The following RIPOR2 variants were observed in gnomAD, a reference collection of about 807,000 sequenced individuals.
RIPOR2 encodes the protein RHO family interacting cell polarization regulator 2, also known as rho family-interacting cell polarization regulator 2.
A neutral mutation model predicts 114.5 loss-of-function variants in RIPOR2; 39 were observed. That is an observed-to-expected ratio of 0.34 (90% CI 0.26 to 0.44). The LOEUF is 0.44. Among genes scored for constraint, RIPOR2 ranks in the 20% least tolerant of loss-of-function variants. RIPOR2 has a pLI of 1.00. For missense variants in RIPOR2, 1,007 were observed against 1,255.1 expected (o/e 0.80, Z 2.99); for synonymous variants, 445 against 484.4 (o/e 0.92, Z 1.07).
rs147095231 is a variant in RIPOR2, at chr6:24,986,402, T to C, written c.76+55449A>G. On this transcript the variant is annotated intron_variant, in intron 1 of 13. Transcript: ENST00000510784. ...AACTTTGAATTAGGATTAGACATTG[T>C]TGTTTTAGCACTGAAAACTTTTTAA... Among the ~76,000 whole-genome samples the C allele has an allele frequency of 2.0e-4, 30 of 152,344 alleles. 1 individual carries two copies. In the Middle Eastern group the frequency reaches 0.024, roughly 121 times the overall value.
At position 24,922,526 on chromosome 6, in the gene RIPOR2, G is replaced by GT. The variant is rs112662585; in HGVS notation, c.61+13311dup. ...CTCAGGAATTGCCTGGTACTTTCCT[G>GT]TTTTTTTTTGTACCCATTCTGAACT... On this transcript the variant is annotated intron_variant, in intron 1 of 21. Transcript: ENST00000643898. Among the ~76,000 whole-genome samples, 1,313 of 151,036 alleles carry GT rather than the reference G, an allele frequency of 8.7e-3. 8 individuals are homozygous for GT. Among genetic ancestry groups the GT allele is most frequent in the Non-Finnish European group, 0.014 (923 of 67,688 alleles).
intron 19 of RIPOR2, among the ~76,000 whole-genome samples, chr6:24,822,135 G>A (rs1466902213): frequency 6.6e-6 from 1 of 152,154 alleles, no homozygotes; most frequent in Admixed American, 6.5e-5. Context: ...CAGAGAAATG[G>A]GCAGGGGAAA....
At chr6:24,993,902 G>A (rs944596745) in intron 1 of RIPOR2, among the ~76,000 whole-genome samples, 2 of 152,118 alleles carry the variant, frequency 1.3e-5, no homozygotes, top group Non-Finnish European at 2.9e-5. Flanking sequence ...GCTAATGCTT[G>A]CTTTAAATTT....
At chr6:24,868,286 T>A (rs1764823779) in intron 6 of RIPOR2, among the ~76,000 whole-genome samples, 1 of 152,132 alleles carries the variant, frequency 6.6e-6, no homozygotes, top group Non-Finnish European at 1.5e-5. Flanking sequence ...TTCACATAGA[T>A]GACATAGCAA....
At chr6:24,868,423 GTGTGATTTAGC>G (rs1461342574) in intron 6 of RIPOR2, among the ~76,000 whole-genome samples, 1 of 152,156 alleles carries the variant, frequency 6.6e-6, no homozygotes, top group Non-Finnish European at 1.5e-5. Context: ...ATTGATAATG[GTGTGATTTAGC>G]TGCCTCTAAA....
chr6:24,971,352 C>T (rs566596359), intron 1 of RIPOR2, among the ~76,000 whole-genome samples: 15 of 152,294 alleles, frequency 9.8e-5, no homozygotes, highest in South Asian at 8.3e-4. Flanking sequence ...TTTAGGATAT[C>T]CCATAGACAT....
rs1263325689 is a variant in RIPOR2 at position 24,860,952 on chromosome 6, T to G, written c.715+21A>C. The G allele has an allele frequency of 2.0e-6, 3 of 1,520,504 alleles. No homozygotes were observed. In the Admixed American group the frequency reaches 5.2e-5, roughly 26 times the overall value. 94.2% of individuals were successfully genotyped at this position (1,520,504 alleles called of 1,614,324 possible). A position where few individuals can be genotyped will look rare whatever the true frequency, so the allele number is the denominator to read the frequency against. On this transcript the variant is annotated intron_variant, in intron 8 of 21. Transcript: ENST00000643898. ...TCTGCAGAGATGGCTCCTTATTCTC[T>G]CTAAACAAGGAAAATAATACCTTTC... is the stretch of plus-strand genomic sequence containing the variant.
At chr6:24,909,510 G>C (rs1213043871) in intron 1 of RIPOR2, among the ~76,000 whole-genome samples, 1 of 152,096 alleles carries the variant, frequency 6.6e-6, no homozygotes, top group Non-Finnish European at 1.5e-5. Flanking sequence ...GTAGGGGAGG[G>C]AAGGAGGTGG....
chr6:24,991,658 G>A (rs1774821407), intron 1 of RIPOR2, among the ~76,000 whole-genome samples: 1 of 152,142 alleles, frequency 6.6e-6, no homozygotes, highest in Non-Finnish European at 1.5e-5. Flanking sequence ...GGGCCTCTTG[G>A]AGCCCTGAGA....
At position 25,041,941 on chromosome 6, in the gene RIPOR2, G is replaced by A. The variant is rs1321741982; in HGVS notation, c.-15C>T. The A allele has an allele frequency of 4.3e-6, 3 of 701,476 alleles. No individual in the cohort carries two copies. In the African/African-American group the frequency reaches 5.3e-5, roughly 12 times the overall value. The allele number at this position is 701,476 out of a possible 1,614,324, so 43.5% of individuals were successfully genotyped here. On this transcript the variant is annotated 5_prime_UTR_variant, in exon 1 of 14. Coordinates refer to the RIPOR2 transcript ENST00000510784. ...GGTAACACCATGGTCCCAACAGAGC[G>A]GCCTAAAACCTGCTCATGGCAAAGG...
At chr6:24,927,129 T>C (rs1416183108) in intron 1 of RIPOR2, among the ~76,000 whole-genome samples, 166 of 2,398 alleles carry the variant, frequency 0.069, 73 homozygotes, top group East Asian at 0.17. Flanking sequence ...ATAATCATCA[T>C]CTCACTACCA....
At chr6:24,811,228 CTTT>C (rs59559836) in intron 20 of RIPOR2, among the ~76,000 whole-genome samples, 1 of 93,782 alleles carries the variant, frequency 1.1e-5, no homozygotes, top group Admixed American at 1.3e-4. Context: ...TTCTCTCATT[CTTT>C]TTTTTTTTTT....
chr6:24,976,844 T>C (rs1774077479), intron 1 of RIPOR2: 1 of 1,610,082 alleles, frequency 6.2e-7, no homozygotes, highest in Non-Finnish European at 8.5e-7. Flanking sequence ...CAAGACTGAG[T>C]GGTTGGATGG....
At chr6:24,976,566 C>T in intron 1 of RIPOR2, 1 of 1,597,164 alleles carries the variant, frequency 6.3e-7, no homozygotes. Flanking sequence ...TGTTTGCAGA[C>T]AAGGTCCCAA....
intron 1 of RIPOR2, chr6:24,977,050 C>G: frequency 7.1e-7 from 1 of 1,399,206 alleles, no homozygotes; most frequent in Non-Finnish European, 9.9e-7. Context: ...CCCCTCCACC[C>G]CATTTGCTTG....
At chr6:24,839,484 G>T (rs1467265035) in intron 13 of RIPOR2, 2 of 1,409,014 alleles carry the variant, frequency 1.4e-6, no homozygotes, top group African/African-American at 2.9e-5. Flanking sequence ...GGTTGCAGAA[G>T]AATCCAGAGG....
At chr6:24,922,032 T>C (rs751633750) in intron 1 of RIPOR2, among the ~76,000 whole-genome samples, 5 of 152,018 alleles carry the variant, frequency 3.3e-5, no homozygotes, top group Non-Finnish European at 7.4e-5. Flanking sequence ...AGTTTCACCA[T>C]GTTGGCCAGG....
intron 15 of RIPOR2, among the ~76,000 whole-genome samples, chr6:24,834,796 G>C (rs1330565821): frequency 6.6e-6 from 1 of 152,020 alleles, no homozygotes; most frequent in African/African-American, 2.4e-5. Flanking sequence ...ACTAATTTTT[G>C]TATCTTTTGT....
rs1274705695 is a variant in RIPOR2, at chr6:24,805,656, AACCCTGAGAACACG to A, written c.*703_*716del. 1 of 152,194 alleles carries A rather than the reference AACCCTGAGAACACG, an allele frequency of 6.6e-6. No homozygotes were observed. Among genetic ancestry groups the A allele is most frequent in the Non-Finnish European group, 1.5e-5 (1 of 68,038 alleles). The allele number at this position is 152,194 out of a possible 1,614,324, so 9.4% of individuals were successfully genotyped here. ...AGTTAGGTAGCTAAGGGGACTACTC[AACCCTGAGAACACG>A]ACCGAGAAAAACTGCAAGGCATATG... On this transcript the variant is annotated 3_prime_UTR_variant, in exon 22 of 22. Coordinates refer to ENST00000643898, the MANE Select transcript of RIPOR2 (RefSeq NM_001286445.3).
Sources: gnomAD v4.1 joint callset for allele counts (sites outside exome capture counted in the v4.1 genomes callset) on GRCh38, gnomAD v4.1.1 for gene constraint, MANE v1.5 for transcripts, NCBI Gene and HGNC (gene_info 2026-07-23, HGNC 2026-07-21) for gene names.